CDH13: variants seen among roughly 807,000 people sequenced by gnomAD.
CDH13 encodes the protein cadherin 13.
A neutral mutation model predicts 63.8 loss-of-function variants in CDH13; 24 were observed. That is an observed-to-expected ratio of 0.38 (90% CI 0.27 to 0.53). The LOEUF (loss-of-function observed/expected upper bound fraction) is 0.53. Among genes scored for constraint, CDH13 ranks in the 20% least tolerant of loss-of-function variants. The pLI, the probability that CDH13 is intolerant of heterozygous loss-of-function variation, is 0.85. For missense variants in CDH13, 1,049 were observed against 903.1 expected (o/e 1.16, Z -2.07); for synonymous variants, 503 against 355.3 (o/e 1.42, Z -4.67).
intron 5 of CDH13, among the ~76,000 whole-genome samples, chr16:83,300,668 C>T (rs1055409348): frequency 1.3e-5 from 2 of 152,122 alleles, no homozygotes; most frequent in Non-Finnish European, 1.5e-5. Context: ...CAAGATGAGA[C>T]GTTAATCCAA....
chr16:83,214,205 T>C (rs7191070), intron 4 of CDH13, among the ~76,000 whole-genome samples: 4,283 of 151,918 alleles, frequency 0.028, 204 homozygotes, highest in African/African-American at 0.097. Context: ...AAGAGGTGAG[T>C]GTGCTTGGTG....
chr16:83,248,598 C>A (rs1905195000), intron 5 of CDH13, among the ~76,000 whole-genome samples: 1 of 152,160 alleles, frequency 6.6e-6, no homozygotes, highest in African/African-American at 2.4e-5. Context: ...TACTAAGTTT[C>A]CTGGTTCCGT....
intron 1 of CDH13, among the ~76,000 whole-genome samples, chr16:82,851,706 C>T (rs561696135): frequency 2.8e-3 from 433 of 152,014 alleles, no homozygotes; most frequent in African/African-American, 0.01. Context: ...TGTGTGCATG[C>T]ACATGTCCTG....
At position 83,572,046 on chromosome 16, in the gene CDH13, A is replaced by T. The variant is rs1293353883; in HGVS notation, c.961-30408A>T. On this transcript the variant is annotated intron_variant, in intron 7 of 13. Transcript: ENST00000567109. The stretch of plus-strand genomic sequence containing the variant: ...ATGTCACAGGTTGCGGTGAGAGTCA[A>T]ATAGGGATAACTTCCAGAAAACTCA... Among the ~76,000 whole-genome samples, 2 of 152,220 alleles carry T rather than the reference A, an allele frequency of 1.3e-5. 1 individual carries two copies. The highest frequency in any genetic ancestry group is 1.3e-4 in the Admixed American group (2 of 15,282).
chr16:83,139,977 G>A (rs778138089), intron 4 of CDH13, among the ~76,000 whole-genome samples: 3 of 152,148 alleles, frequency 2.0e-5, no homozygotes, highest in Non-Finnish European at 2.9e-5. Context: ...ACTCCAGCCT[G>A]GGCAACAAGA....
chr16:83,389,842 A>T (rs140090209), intron 6 of CDH13, among the ~76,000 whole-genome samples: 1,536 of 152,362 alleles, frequency 0.01, 9 homozygotes, highest in Middle Eastern at 0.031. Flanking sequence ...GCAGCAGAAG[A>T]GTTGGCCCTT....
At chr16:83,580,771 C>T (rs1905519487) in intron 7 of CDH13, among the ~76,000 whole-genome samples, 4 of 151,994 alleles carry the variant, frequency 2.6e-5, no homozygotes, top group Non-Finnish European at 5.9e-5. Context: ...GTATTACAGG[C>T]CTGCACCACC....
At chr16:83,608,696 C>T (rs1265255366) in intron 8 of CDH13, among the ~76,000 whole-genome samples, 3 of 138,254 alleles carry the variant, frequency 2.2e-5, no homozygotes, top group South Asian at 2.2e-4. Context: ...TTTGTAGAGG[C>T]GAGGTTCTGC....
intron 6 of CDH13, among the ~76,000 whole-genome samples, chr16:83,407,904 G>C (rs150354965): frequency 6.6e-6 from 1 of 152,164 alleles, no homozygotes; most frequent in South Asian, 2.1e-4. Context: ...TAAAAGGGCA[G>C]AGTTTCCATT....
chr16:83,198,634 T>C (rs916152748), intron 4 of CDH13, among the ~76,000 whole-genome samples: 6 of 152,164 alleles, frequency 3.9e-5, no homozygotes, highest in African/African-American at 1.2e-4. Context: ...TCCATCCCAC[T>C]CTGTGGCTTC....
At chr16:82,676,801 A>G (rs11642824) in intron 1 of CDH13, among the ~76,000 whole-genome samples, 48,237 of 152,062 alleles carry the variant, frequency 0.32, 9,954 homozygotes, top group Non-Finnish European at 0.47. Context: ...CAGCCACCCC[A>G]GTCCTTGTTA....
At chr16:83,325,759 A>G (rs1287677217) in intron 5 of CDH13, among the ~76,000 whole-genome samples, 10 of 152,150 alleles carry the variant, frequency 6.6e-5, no homozygotes, top group Admixed American at 6.5e-4. Flanking sequence ...TTCTCAGGGA[A>G]CAAATACCTT....
intron 8 of CDH13, among the ~76,000 whole-genome samples, chr16:83,636,356 G>A (rs904685090): frequency 3.3e-5 from 5 of 152,012 alleles, no homozygotes; most frequent in East Asian, 3.9e-4. Context: ...GGTTTGTTAC[G>A]AAGGTATATT....
At chr16:83,093,856 A>G (rs2034053092) in intron 3 of CDH13, among the ~76,000 whole-genome samples, 1 of 152,240 alleles carries the variant, frequency 6.6e-6, no homozygotes, top group Non-Finnish European at 1.5e-5. Context: ...GTAAATTCCC[A>G]GAAAGCACTT....
At chr16:82,736,855 C>G (rs562882556) in intron 1 of CDH13, among the ~76,000 whole-genome samples, 12 of 152,126 alleles carry the variant, frequency 7.9e-5, no homozygotes, top group Non-Finnish European at 1.6e-4. Flanking sequence ...GTCAGATGGC[C>G]TCTCTTGGTT....
At chr16:82,980,346 G>T (rs72792106) in intron 2 of CDH13, among the ~76,000 whole-genome samples, 3 of 152,116 alleles carry the variant, frequency 2.0e-5, no homozygotes, top group South Asian at 2.1e-4. Context: ...GGCTGGGTCC[G>T]TAAAGACCAA....
chr16:83,457,807 C>G (rs1416326452), intron 6 of CDH13, among the ~76,000 whole-genome samples: 1 of 152,190 alleles, frequency 6.6e-6, no homozygotes, highest in Admixed American at 6.5e-5. Flanking sequence ...AATCTGAAAA[C>G]ACACATGTTA....
intron 8 of CDH13, among the ~76,000 whole-genome samples, chr16:83,661,537 C>G (rs1913445547): frequency 6.6e-6 from 1 of 152,020 alleles, no homozygotes; most frequent in Non-Finnish European, 1.5e-5. Context: ...AACCACCGTT[C>G]CACTGCATCG....
chr16:82,692,220 C>T (rs543199992), intron 1 of CDH13, among the ~76,000 whole-genome samples: 1 of 152,196 alleles, frequency 6.6e-6, no homozygotes, highest in Non-Finnish European at 1.5e-5. Flanking sequence ...AGCATGGTAA[C>T]TTCTATGTTA....
Sources: gnomAD v4.1 joint callset for allele counts (sites outside exome capture counted in the v4.1 genomes callset) on GRCh38, gnomAD v4.1.1 for gene constraint, MANE v1.5 for transcripts, NCBI Gene and HGNC (gene_info 2026-07-23, HGNC 2026-07-21) for gene names.